The following BRINP3 variants were observed in gnomAD, a reference collection of about 807,000 sequenced individuals.
BRINP3 encodes BMP/retinoic acid inducible neural specific 3.
A neutral mutation model predicts 71.0 loss-of-function variants in BRINP3; 19 were observed. The ratio of observed to expected loss-of-function variants is 0.27; its 90% CI spans 0.19 to 0.39. The LOEUF (loss-of-function observed/expected upper bound fraction) is 0.39, where lower values mean the gene tolerates loss of function less well. Among genes scored for constraint, BRINP3 ranks in the 10% least tolerant of loss-of-function variants. The pLI is 1.00. For synonymous variants in BRINP3, 380 were observed against 337.7 expected (o/e 1.13, Z -1.37); for missense variants, 959 against 940.8 (o/e 1.02, Z -0.25).
Position 190,455,069 on chromosome 1 carries a change from T to C in BRINP3, c.-50-129A>G, listed in dbSNP as rs1047564088. The stretch of plus-strand genomic sequence containing the variant: ...TTAAATTAGTATTATCAGCAGATAA[T>C]AAAATACAAACCAAAATTATTTTTT... On this transcript the variant is annotated intron_variant, in intron 1 of 7. Coordinates refer to ENST00000367462, the MANE Select transcript of BRINP3 (RefSeq NM_199051.3). The C allele has an allele frequency of 1.4e-5, 7 of 512,814 alleles. No individual in the cohort carries two copies. The East Asian group carries it at 1.8e-4, about 13-fold the overall frequency. The allele number at this position is 512,814 out of a possible 1,614,324, so 31.8% of individuals were successfully genotyped here.
chr1:190,324,981 C>A (rs985684080), intron 2 of BRINP3, among the ~76,000 whole-genome samples: 1 of 151,674 alleles, frequency 6.6e-6, no homozygotes, highest in African/African-American at 2.4e-5. Context: ...GATGACTAAA[C>A]CAAAAGATTA....
At chr1:190,345,694 C>A (rs1667971935) in intron 2 of BRINP3, among the ~76,000 whole-genome samples, 1 of 134,556 alleles carries the variant, frequency 7.4e-6, no homozygotes, top group South Asian at 2.5e-4. Flanking sequence ...AAATCAACAA[C>A]CAAATAGCCA....
chr1:190,200,803 CT>C (rs1234293095), intron 6 of BRINP3, among the ~76,000 whole-genome samples: 4 of 152,016 alleles, frequency 2.6e-5, no homozygotes, highest in African/African-American at 9.7e-5. Flanking sequence ...AGCACAAGCT[CT>C]TTTTTTGCCT....
intron 1 of BRINP3, among the ~76,000 whole-genome samples, chr1:190,469,573 G>GA (rs1203161755): frequency 3.3e-5 from 5 of 150,696 alleles, no homozygotes; most frequent in African/African-American, 4.8e-5. Context: ...GTTCATGTCT[G>GA]AAAAAAACAG....
At chr1:190,101,782 C>A (rs1436702936) in intron 7 of BRINP3, among the ~76,000 whole-genome samples, 1 of 152,006 alleles carries the variant, frequency 6.6e-6, no homozygotes, top group African/African-American at 2.4e-5. Context: ...AAGAAGAAAA[C>A]AAAAAATGAA....
chr1:190,142,593 T>G (rs1655547410), intron 7 of BRINP3, among the ~76,000 whole-genome samples: 1 of 152,160 alleles, frequency 6.6e-6, no homozygotes, highest in South Asian at 2.1e-4. Flanking sequence ...GAGTGGGGTT[T>G]TGTCTTCATT....
At chr1:190,343,672 A>T (rs1667817821) in intron 2 of BRINP3, among the ~76,000 whole-genome samples, 2 of 151,690 alleles carry the variant, frequency 1.3e-5, no homozygotes, top group Admixed American at 6.6e-5. Flanking sequence ...GAGGTGTTAG[A>T]TTAAAGAAAA....
Position 190,198,915 on chromosome 1 carries a change from G to C in BRINP3, c.961+27167C>G, listed in dbSNP as rs148475977. Among the ~76,000 whole-genome samples, 514 of 152,096 alleles carry C rather than the reference G, an allele frequency of 3.4e-3. 3 individuals are homozygous for C. The highest frequency in any genetic ancestry group is 0.017 in the South Asian group (80 of 4,818). ...TCTTAACAGCAGCACCCTACTCTTAGCACCAATTTACTGTGTTACTCTGTT... is the reference window on the plus strand; with the variant it reads ...TCTTAACAGCAGCACCCTACTCTTACCACCAATTTACTGTGTTACTCTGTT... On this transcript the variant is annotated intron_variant, in intron 6 of 7. Coordinates refer to ENST00000367462, the MANE Select transcript of BRINP3 (RefSeq NM_199051.3).
At chr1:190,300,658 C>G (rs184438090) in intron 2 of BRINP3, among the ~76,000 whole-genome samples, 1 of 152,120 alleles carries the variant, frequency 6.6e-6, no homozygotes, top group East Asian at 1.9e-4. Context: ...CACCCCCCAG[C>G]AGGGGCAGAC....
chr1:190,400,926 C>T (rs551543071), intron 2 of BRINP3, among the ~76,000 whole-genome samples: 15 of 152,230 alleles, frequency 9.9e-5, no homozygotes, highest in African/African-American at 3.4e-4. Flanking sequence ...TCTAATCAGA[C>T]CTAAGAAAAC....
intron 2 of BRINP3, among the ~76,000 whole-genome samples, chr1:190,410,293 C>G (rs1379643410): frequency 1.3e-5 from 2 of 151,902 alleles, no homozygotes; most frequent in Non-Finnish European, 2.9e-5. Flanking sequence ...ATATTTTTGG[C>G]CTGATCAACT....
rs565557520 is a variant in BRINP3, at chr1:190,346,642, G to A, written c.237-64892C>T. On this transcript the variant is annotated intron_variant, in intron 2 of 7. Coordinates refer to ENST00000367462, the MANE Select transcript of BRINP3 (RefSeq NM_199051.3). The stretch of plus-strand genomic sequence containing the variant: ...TCTAGATCATTTTTTAATACAAAGT[G>A]CTACCTTTCCTTAGAATATGCATTT... Among the ~76,000 whole-genome samples the A allele has an allele frequency of 1.3e-4, 20 of 152,094 alleles. 1 individual carries two copies. The South Asian group carries it at 3.7e-3, about 28-fold the overall frequency.
chr1:190,142,365 A>G (rs1655526045), intron 7 of BRINP3, among the ~76,000 whole-genome samples: 1 of 152,204 alleles, frequency 6.6e-6, no homozygotes, highest in African/African-American at 2.4e-5. Flanking sequence ...TGGAAAGGAA[A>G]TCTCATTCTA....
chr1:190,401,607 C>T (rs1327014916), intron 2 of BRINP3, among the ~76,000 whole-genome samples: 1 of 151,848 alleles, frequency 6.6e-6, no homozygotes, highest in Non-Finnish European at 1.5e-5. Flanking sequence ...CTGAGTAATG[C>T]CTGTGACACA....
chr1:190,225,594 T>C (rs1294751731), intron 6 of BRINP3, among the ~76,000 whole-genome samples: 1 of 151,870 alleles, frequency 6.6e-6, no homozygotes, highest in East Asian at 1.9e-4. Context: ...TTTAACCAAG[T>C]AAAAATAAAA....
intron 2 of BRINP3, among the ~76,000 whole-genome samples, chr1:190,312,501 C>T (rs752788699): frequency 1.3e-5 from 2 of 151,594 alleles, no homozygotes; most frequent in Non-Finnish European, 3.0e-5. Flanking sequence ...CCCAAGAGTT[C>T]AGAGTACCTC....
chr1:190,326,731 A>G (rs941081558), intron 2 of BRINP3, among the ~76,000 whole-genome samples: 1 of 152,088 alleles, frequency 6.6e-6, no homozygotes, highest in Non-Finnish European at 1.5e-5. Context: ...CAAATAAAAT[A>G]TTTTCCAGAC....
chr1:190,330,279 CA>C (rs1666880047), intron 2 of BRINP3, among the ~76,000 whole-genome samples: 1 of 151,590 alleles, frequency 6.6e-6, no homozygotes, highest in Non-Finnish European at 1.5e-5. Context: ...GAACTTAAAC[CA>C]ACAAGTAAAA....
intron 6 of BRINP3, among the ~76,000 whole-genome samples, chr1:190,208,370 A>G (rs1433509367): frequency 6.6e-6 from 1 of 152,084 alleles, no homozygotes; most frequent in Non-Finnish European, 1.5e-5. Flanking sequence ...TACTTAATGC[A>G]TGCAGAGATA....
Sources: gnomAD v4.1 joint callset for allele counts (sites outside exome capture counted in the v4.1 genomes callset) on GRCh38, gnomAD v4.1.1 for gene constraint, MANE v1.5 for transcripts, NCBI Gene and HGNC (gene_info 2026-07-23, HGNC 2026-07-21) for gene names.